Variants in PAQR3 observed in about 807,000 individuals in gnomAD.
The protein encoded by PAQR3 is Raf kinase trapping to Golgi.
PAQR3 carries 39 observed loss-of-function variants against 41.7 expected under a neutral mutation model. That is an observed-to-expected ratio of 0.93 (90% CI 0.72 to 1.22). The LOEUF (loss-of-function observed/expected upper bound fraction) is 1.22, where lower values mean the gene tolerates loss of function less well. PAQR3 is among the 50% of genes most tolerant of loss of function. The pLI is 0.00. For missense variants in PAQR3, 366 were observed against 385.6 expected (o/e 0.95, Z 0.42); for synonymous variants, 140 against 140.6 (o/e 1.00, Z 0.03).
intron 5 of PAQR3, chr4:78,922,295 G>C: frequency 1.6e-6 from 2 of 1,273,644 alleles, no homozygotes; most frequent in Non-Finnish European, 2.0e-6. Context: ...GAAAAACCAA[G>C]TACACAAAGG....
rs1019318732 is a variant in PAQR3, at chr4:78,932,313, AT to A, written c.349-1989del. Among the ~76,000 whole-genome samples, 28 of 152,270 alleles carry A rather than the reference AT, an allele frequency of 1.8e-4. 1 individual carries two copies. Among genetic ancestry groups the A allele is most frequent in the African/African-American group, 6.7e-4 (28 of 41,526 alleles). Reference sequence around the variant, plus strand: ...AAACGTAACTCAAAGAAGTTTGGTTATTTGTTTTCTCAGATTATCCTTGAGA... The same window carrying A: ...AAACGTAACTCAAAGAAGTTTGGTTATTGTTTTCTCAGATTATCCTTGAGA... On this transcript the variant is annotated intron_variant, in intron 2 of 5. Transcript: ENST00000512733.
At chr4:78,927,865 G>A (rs997562905) in intron 3 of PAQR3, among the ~76,000 whole-genome samples, 1 of 152,208 alleles carries the variant, frequency 6.6e-6, no homozygotes, top group Admixed American at 6.5e-5. Context: ...ATGTCAGACT[G>A]TTTAGGGTGT....
At chr4:78,905,429 T>C (rs1224842680) in intron 11 of PAQR3, among the ~76,000 whole-genome samples, 3 of 151,874 alleles carry the variant, frequency 2.0e-5, no homozygotes, top group Admixed American at 2.0e-4. Flanking sequence ...GAGCCAAAAA[T>C]AAAAACAGTG....
At chr4:78,910,923 A>T (rs1734556955), downstream of PAQR3, 7 of 1,613,892 alleles carry the variant, frequency 4.3e-6, no homozygotes, top group Non-Finnish European at 5.9e-6. Context: ...TGGATTCTGA[A>T]GATGAGGAAG....
intron 1 of PAQR3, 100 bp downstream of exon 1, chr4:78,938,940 G>C (rs981010637): frequency 3.3e-6 from 4 of 1,199,090 alleles, no homozygotes; most frequent in Non-Finnish European, 4.7e-6. Context: ...GCGAGGAAAT[G>C]ATGGGCAAGC....
chr4:78,903,561 GTC>G (rs1036884547), intron 11 of PAQR3, among the ~76,000 whole-genome samples: 20 of 151,824 alleles, frequency 1.3e-4, no homozygotes, highest in Admixed American at 2.6e-4. Context: ...TTCTATTATT[GTC>G]TCTATTTTCT....
chr4:78,930,149 A>T, intron 3 of PAQR3, 21 bp downstream of exon 3: 1 of 1,585,328 alleles, frequency 6.3e-7, no homozygotes, highest in Non-Finnish European at 8.6e-7. Flanking sequence ...GGTCGAATGT[A>T]AAATGTTTTC....
At chr4:78,895,586 A>C (rs1733660255) in intron 11 of PAQR3, among the ~76,000 whole-genome samples, 1 of 152,154 alleles carries the variant, frequency 6.6e-6, no homozygotes, top group Admixed American at 6.6e-5. Flanking sequence ...TAAAAGTTGA[A>C]AGTGAGACTT....
At chr4:78,903,578 G>A (rs537477162) in intron 11 of PAQR3, among the ~76,000 whole-genome samples, 1 of 151,864 alleles carries the variant, frequency 6.6e-6, no homozygotes, top group African/African-American at 2.4e-5. Context: ...TTTTCTAGAT[G>A]AGAAAACTCA....
At chr4:78,908,984 C>T (rs184042589), downstream of PAQR3, among the ~76,000 whole-genome samples, 5 of 149,354 alleles carry the variant, frequency 3.3e-5, no homozygotes, top group Non-Finnish European at 1.5e-5. Context: ...GTCATCTAGG[C>T]CACCAAAATC....
intron 11 of PAQR3, chr4:78,906,062 T>C (rs374729901): frequency 6.1e-4 from 93 of 152,244 alleles, no homozygotes; most frequent in African/African-American, 2.2e-3. Flanking sequence ...TGTAGTTTCA[T>C]GATGAATAGA....
At chr4:78,896,294 T>C (rs1733699870) in intron 11 of PAQR3, among the ~76,000 whole-genome samples, 1 of 152,194 alleles carries the variant, frequency 6.6e-6, no homozygotes. Context: ...GATAAAATAC[T>C]CAAAGCATGT....
intron 4 of PAQR3, among the ~76,000 whole-genome samples, chr4:78,924,779 G>GCTGA (rs1176994417): frequency 6.6e-6 from 1 of 151,670 alleles, no homozygotes. Flanking sequence ...TACTTAGGAG[G>GCTGA]CTGAGGTGGG....
Position 78,919,207 on chromosome 4 carries a change from C to A in PAQR3, c.*1332G>T. 1 of 984,914 alleles carries A rather than the reference C, an allele frequency of 1.0e-6. No individual in the cohort carries two copies. The highest frequency in any genetic ancestry group is 1.2e-6 in the Non-Finnish European group (1 of 829,644). 61.0% of individuals were successfully genotyped at this position (984,914 alleles called of 1,614,324 possible). ...GCTTCATCATCAATTAACATTTTTTCTGATATTCAGTAATTTTACTGTTCT... is the reference window on the plus strand; with the variant it reads ...GCTTCATCATCAATTAACATTTTTTATGATATTCAGTAATTTTACTGTTCT... On this transcript the variant is annotated 3_prime_UTR_variant, in exon 6 of 6. Transcript: ENST00000512733.
In PAQR3 at chr4:78,887,180, T is replaced by C. The variant is rs752276478; in HGVS notation, c.*1054A>G. The C allele has an allele frequency of 1.4e-5, 23 of 1,600,304 alleles. No individual in the cohort carries two copies. In the East Asian group the frequency reaches 4.5e-4, roughly 31 times the overall value. On this transcript the variant is annotated 3_prime_UTR_variant and NMD_transcript_variant, in exon 13 of 13. Coordinates refer to the PAQR3 transcript ENST00000342820. ...TTTCATCTTATTTTTGCAGATAGGC[T>C]CGAGGAGAGAGCATCCTCAGATAAG...
At chr4:78,887,480 T>C (rs1181285789) in intron 12 of PAQR3, among the ~76,000 whole-genome samples, 1 of 152,238 alleles carries the variant, frequency 6.6e-6, no homozygotes, top group African/African-American at 2.4e-5. Context: ...TTTGCCAACA[T>C]AGAAAAATGC....
Position 78,913,133 on chromosome 4 carries a change from G to GT in PAQR3, c.*7405dup, listed in dbSNP as rs113593008. On this transcript the variant is annotated 3_prime_UTR_variant, in exon 6 of 6. Transcript: ENST00000512733. ...CATAAGCAACAATTATTTTTATTAG[G>GT]TTTTGGGGGGTGGAGTAGTTTTAAT... is the stretch of plus-strand genomic sequence containing the variant. The GT allele has an allele frequency of 6.6e-6, 1 of 152,006 alleles. No homozygotes were observed. Among genetic ancestry groups the GT allele is most frequent in the African/African-American group, 2.4e-5 (1 of 41,380 alleles). 9.4% of individuals were successfully genotyped at this position (152,006 alleles called of 1,614,324 possible). A position where few individuals can be genotyped will look rare whatever the true frequency, so the allele number is the denominator to read the frequency against.
intron 11 of PAQR3, among the ~76,000 whole-genome samples, chr4:78,904,783 C>T (rs1017236195): frequency 6.6e-6 from 1 of 151,794 alleles, no homozygotes; most frequent in South Asian, 2.1e-4. Flanking sequence ...TTAAGTTCTA[C>T]TTGAAATGGC....
intron 11 of PAQR3, among the ~76,000 whole-genome samples, chr4:78,897,026 T>C (rs934037070): frequency 6.6e-6 from 1 of 152,128 alleles, no homozygotes; most frequent in South Asian, 2.1e-4. Context: ...TCTTGAAATA[T>C]ATTGCTTGGG....
Sources: allele counts gnomAD v4.1 joint callset (sites outside exome capture counted in the v4.1 genomes callset), GRCh38; gene constraint gnomAD v4.1.1; transcripts MANE v1.5; gene names NCBI Gene and HGNC (gene_info 2026-07-23, HGNC 2026-07-21).